KIAA2012: variants seen among roughly 807,000 people sequenced by gnomAD.
The protein encoded by KIAA2012 is uncharacterized protein KIAA2012.
Under a neutral mutation model 150.6 loss-of-function variants are expected in KIAA2012, and 125 were observed. The ratio of observed to expected loss-of-function variants is 0.83; its 90% CI spans 0.72 to 0.96. KIAA2012 has a LOEUF of 0.96. KIAA2012 is among the 40% of genes least tolerant of loss of function. The pLI, the probability that KIAA2012 is intolerant of heterozygous loss-of-function variation, is 0.00. For missense variants in KIAA2012, 1,219 were observed against 1,354.9 expected (o/e 0.90, Z 1.57); for synonymous variants, 462 against 504.7 (o/e 0.92, Z 1.13).
At chr2:202,116,722 C>T (rs1690537792) in intron 11 of KIAA2012, 1 of 152,140 alleles carries the variant, frequency 6.6e-6, no homozygotes, top group Non-Finnish European at 1.5e-5. Flanking sequence ...CTTCCCCCTT[C>T]AAAAGGGAGA....
At chr2:202,078,760 C>T (rs181999340) in intron 2 of KIAA2012, among the ~76,000 whole-genome samples, 78 of 152,208 alleles carry the variant, frequency 5.1e-4, no homozygotes, top group African/African-American at 1.8e-3. Context: ...CTATTATTAT[C>T]CACTTTAAAG....
intron 9 of KIAA2012, 94 bp from the exon 10 acceptor site, chr2:202,109,519 C>T (rs772675995): frequency 1.5e-5 from 17 of 1,105,808 alleles, no homozygotes; most frequent in Non-Finnish European, 2.1e-5. Context: ...AGTCTTCACA[C>T]AGAGGTCCTT....
At chr2:202,115,741 G>T (rs977374430) in intron 11 of KIAA2012, 53 of 54,618 alleles carry the variant, frequency 9.7e-4, no homozygotes, top group African/African-American at 2.7e-3. Context: ...TTTGTTTTTT[G>T]TTTTAATTAA....
Position 202,104,756 on chromosome 2 carries a change from G to T in KIAA2012, c.1325-1005G>T, listed in dbSNP as rs950356754. Among the ~76,000 whole-genome samples the T allele has an allele frequency of 6.6e-6, 1 of 152,180 alleles. No individual in the cohort carries two copies. The highest frequency in any genetic ancestry group is 2.1e-4 in the South Asian group (1 of 4,830). On this transcript the variant is annotated intron_variant, in intron 8 of 23. Coordinates refer to ENST00000498697, the MANE Select transcript of KIAA2012 (RefSeq NM_001277372.4). The surrounding 1 kb of genome is among the most constrained non-coding windows in gnomAD (Gnocchi z 4.3). ...GCATATGACAGGTATGTTCCCAGGT[G>T]AGTCATTTACTGTGTCTAGGAATTG...
At chr2:202,100,267 C>A (rs924890583) in intron 6 of KIAA2012, 40 bp from the exon 7 acceptor site, 1 of 1,532,922 alleles carries the variant, frequency 6.5e-7, no homozygotes, top group Admixed American at 2.0e-5. Context: ...ATCCCCCTAC[C>A]TGCAATTAAT....
At chr2:202,100,157 C>T (rs890695767) in intron 6 of KIAA2012, 150 bp from the exon 7 acceptor site, 14 of 793,690 alleles carry the variant, frequency 1.8e-5, no homozygotes, top group Middle Eastern at 3.4e-4. Flanking sequence ...GCTCTCTGAA[C>T]CTGCCTCCCC....
At chr2:202,136,632 C>G (rs987264561) in intron 12 of KIAA2012, 1 of 152,382 alleles carries the variant, frequency 6.6e-6, no homozygotes, top group African/African-American at 2.4e-5. Context: ...AGGCGTCGGC[C>G]GCGACAGGCC....
chr2:202,185,768 G>A (rs766963823), intron 16 of KIAA2012, among the ~76,000 whole-genome samples: 1 of 151,854 alleles, frequency 6.6e-6, no homozygotes, highest in Non-Finnish European at 1.5e-5. Context: ...AATCAGGTTT[G>A]TGGTTCTCAT....
intron 13 of KIAA2012, among the ~76,000 whole-genome samples, chr2:202,149,826 T>C (rs1691386086): frequency 6.6e-6 from 1 of 152,174 alleles, no homozygotes; most frequent in African/African-American, 2.4e-5. Context: ...CAACCCATGG[T>C]AGTGACCATT....
At chr2:202,097,287 C>A in intron 4 of KIAA2012, 148 bp from the exon 5 acceptor site, 1 of 1,324,384 alleles carries the variant, frequency 7.6e-7, no homozygotes, top group Non-Finnish European at 1.0e-6. Flanking sequence ...GAGGCACTAT[C>A]AGAAATACAA....
chr2:202,102,181 C>T (rs988490460), intron 7 of KIAA2012, among the ~76,000 whole-genome samples: 5 of 142,920 alleles, frequency 3.5e-5, no homozygotes, highest in African/African-American at 1.5e-4. Context: ...CACACACATA[C>T]ACATACACGC....
chr2:202,185,978 G>A (rs902243252), intron 16 of KIAA2012, among the ~76,000 whole-genome samples: 1 of 152,068 alleles, frequency 6.6e-6, no homozygotes, highest in Non-Finnish European at 1.5e-5. Context: ...GCACAGTAAA[G>A]AGAATACTCA....
intron 11 of KIAA2012, among the ~76,000 whole-genome samples, chr2:202,123,740 A>G (rs972853820): frequency 2.6e-5 from 4 of 152,368 alleles, no homozygotes; most frequent in African/African-American, 9.6e-5. Context: ...TAGGCAGACT[A>G]GAAGATTTCT....
intron 2 of KIAA2012, 45 bp from the exon 3 acceptor site, chr2:202,090,725 T>TC: frequency 6.6e-7 from 1 of 1,513,594 alleles, no homozygotes; most frequent in Middle Eastern, 1.7e-4. Flanking sequence ...ACTGGGTGGC[T>TC]CAGGGGTCAG....
intron 12 of KIAA2012, among the ~76,000 whole-genome samples, chr2:202,132,996 T>C (rs1351980493): frequency 7.1e-6 from 1 of 140,838 alleles, no homozygotes; most frequent in Non-Finnish European, 1.5e-5. Context: ...TCCCAGCTAC[T>C]CAGGAGGCTG....
chr2:202,187,218 G>T, intron 17 of KIAA2012, 120 bp downstream of exon 17: 2 of 1,111,150 alleles, frequency 1.8e-6, no homozygotes, highest in Non-Finnish European at 2.5e-6. Context: ...GGATGAGGGG[G>T]GCACTGAGGT....
intron 15 of KIAA2012, among the ~76,000 whole-genome samples, chr2:202,167,763 G>C (rs556596376): frequency 6.3e-4 from 96 of 152,182 alleles, no homozygotes; most frequent in Non-Finnish European, 1.1e-3. Context: ...AGGATCCCTA[G>C]AGCCCAGGAG....
At chr2:202,168,714 T>C (rs565366484) in intron 15 of KIAA2012, among the ~76,000 whole-genome samples, 1 of 152,254 alleles carries the variant, frequency 6.6e-6, no homozygotes, top group East Asian at 1.9e-4. Context: ...TCAGTGAAGT[T>C]ACTGTGACAT....
intron 10 of KIAA2012, among the ~76,000 whole-genome samples, chr2:202,112,666 T>C (rs150520195): frequency 1.4e-3 from 217 of 152,294 alleles, no homozygotes; most frequent in Non-Finnish European, 2.5e-3. Flanking sequence ...GGACAACCAG[T>C]TGGTATCTGC....
Sources: gnomAD v4.1 joint callset for allele counts (sites outside exome capture counted in the v4.1 genomes callset) on GRCh38, gnomAD v4.1.1 for gene constraint, Gnocchi (gnomAD v3.1) non-coding constraint, MANE v1.5 for transcripts, NCBI Gene and HGNC (gene_info 2026-07-23, HGNC 2026-07-21) for gene names.